Variants in GALNTL6 observed in about 807,000 individuals in gnomAD.
GALNTL6 encodes polypeptide N-acetylgalactosaminyltransferase-like 6.
A neutral mutation model predicts 73.7 loss-of-function variants in GALNTL6; 46 were observed. The ratio of observed to expected loss-of-function variants is 0.62; its 90% CI spans 0.49 to 0.80. The LOEUF (loss-of-function observed/expected upper bound fraction) is 0.80, where lower values mean the gene tolerates loss of function less well. GALNTL6 is among the 30% of genes least tolerant of loss of function. GALNTL6 has a pLI of 0.00. For missense variants in GALNTL6, 604 were observed against 755.0 expected (o/e 0.80, Z 2.34); for synonymous variants, 259 against 263.7 (o/e 0.98, Z 0.17).
intron 2 of GALNTL6, among the ~76,000 whole-genome samples, chr4:172,067,816 T>C (rs1355539224): frequency 9.1e-6 from 1 of 110,370 alleles, no homozygotes; most frequent in Non-Finnish European, 2.0e-5. Context: ...AGTGCCTTCC[T>C]GACCAAAGGT....
At chr4:172,865,886 A>G (rs6844018) in intron 7 of GALNTL6, among the ~76,000 whole-genome samples, 98,151 of 152,020 alleles carry the variant, frequency 0.65, 33,513 homozygotes, top group East Asian at 0.91. Flanking sequence ...AACCGAACTC[A>G]TAATCTCACC....
At chr4:171,828,187 G>A (rs772886046) in intron 2 of GALNTL6, among the ~76,000 whole-genome samples, 1 of 152,160 alleles carries the variant, frequency 6.6e-6, no homozygotes. Context: ...ACTACTGCAG[G>A]AATTTCATAG....
intron 2 of GALNTL6, among the ~76,000 whole-genome samples, chr4:172,094,347 C>T (rs914483924): frequency 5.4e-4 from 82 of 152,146 alleles, no homozygotes; most frequent in African/African-American, 2.0e-3. Flanking sequence ...ATAGAAATTA[C>T]AATGATTATT....
At chr4:172,190,532 A>G (rs1280115960) in intron 2 of GALNTL6, among the ~76,000 whole-genome samples, 1 of 152,144 alleles carries the variant, frequency 6.6e-6, no homozygotes, top group Non-Finnish European at 1.5e-5. Flanking sequence ...CCCAGCAGAG[A>G]GAAGAGGAAG....
rs557149331 is a variant in GALNTL6 at position 172,069,488 on chromosome 4, C to T, written c.139-160168C>T. On this transcript the variant is annotated intron_variant, in intron 2 of 12. Coordinates refer to ENST00000506823, the MANE Select transcript of GALNTL6 (RefSeq NM_001034845.3). ...TATAACATATATGTTATATATAACA[C>T]ATATGTTATATGTATAACACATATA... is the stretch of plus-strand genomic sequence containing the variant. Among the ~76,000 whole-genome samples, 102 of 69,206 alleles carry T rather than the reference C, an allele frequency of 1.5e-3. 21 individuals carry two copies. In the South Asian group the frequency reaches 0.016, roughly 11 times the overall value. 45.4% of individuals were successfully genotyped at this position (69,206 alleles called of 152,430 possible).
chr4:171,888,200 T>C (rs188554631), intron 2 of GALNTL6, among the ~76,000 whole-genome samples: 1 of 152,026 alleles, frequency 6.6e-6, no homozygotes, highest in Admixed American at 6.6e-5. Context: ...TTTAATAACT[T>C]TTCCCCCTAT....
chr4:172,209,707 T>C (rs1428979323), intron 2 of GALNTL6, among the ~76,000 whole-genome samples: 1 of 152,050 alleles, frequency 6.6e-6, no homozygotes, highest in Non-Finnish European at 1.5e-5. Context: ...TAAGACTGCC[T>C]CATTTATTTA....
At chr4:171,988,173 G>C (rs1042124521) in intron 2 of GALNTL6, among the ~76,000 whole-genome samples, 2 of 152,320 alleles carry the variant, frequency 1.3e-5, no homozygotes, top group African/African-American at 4.8e-5. Flanking sequence ...GGACAGAAAG[G>C]CTACAGGGTG....
At chr4:172,542,958 G>C (rs950520995) in intron 5 of GALNTL6, among the ~76,000 whole-genome samples, 3 of 151,972 alleles carry the variant, frequency 2.0e-5, no homozygotes, top group African/African-American at 7.2e-5. Flanking sequence ...TTAGCCGGGC[G>C]TGGTGGCACG....
At chr4:172,491,351 CAA>C (rs201195053) in intron 5 of GALNTL6, among the ~76,000 whole-genome samples, 4 of 36,264 alleles carry the variant, frequency 1.1e-4, no homozygotes, top group African/African-American at 4.2e-4. Context: ...TAAAAACAAA[CAA>C]AAACAAAAGG....
intron 2 of GALNTL6, among the ~76,000 whole-genome samples, chr4:172,156,173 A>G (rs1279652092): frequency 6.6e-6 from 1 of 152,046 alleles, no homozygotes; most frequent in Non-Finnish European, 1.5e-5. Context: ...TCCGAGTCTG[A>G]AGTGACTGCT....
At chr4:172,913,720 C>A (rs1299443731) in intron 8 of GALNTL6, among the ~76,000 whole-genome samples, 1 of 152,144 alleles carries the variant, frequency 6.6e-6, no homozygotes, top group Non-Finnish European at 1.5e-5. Flanking sequence ...TGAACAAAGC[C>A]TCCAAGAAAT....
At chr4:172,333,581 G>A (rs1275700216) in intron 4 of GALNTL6, among the ~76,000 whole-genome samples, 2 of 152,078 alleles carry the variant, frequency 1.3e-5, no homozygotes, top group Non-Finnish European at 2.9e-5. Context: ...CCATTAAACA[G>A]TTCTTTTAAT....
rs984063141 is a variant in GALNTL6 at position 172,794,368 on chromosome 4, C to A, written c.554-14993C>A. 3.9e-5 allele frequency among the ~76,000 whole-genome samples: 6 copies of A among 152,238 alleles called. No homozygotes were observed. In the South Asian group the frequency reaches 1.2e-3, roughly 32 times the overall value. ...ACATTGATTAAGTTGAAATGAAGTG[C>A]ATGTAGGCAATGCTAGTTTGTTGTC... is the stretch of plus-strand genomic sequence containing the variant. On this transcript the variant is annotated intron_variant, in intron 5 of 12. Transcript: ENST00000506823.
intron 5 of GALNTL6, among the ~76,000 whole-genome samples, chr4:172,682,834 C>A (rs1472093051): frequency 6.6e-6 from 1 of 151,986 alleles, no homozygotes; most frequent in Non-Finnish European, 1.5e-5. Flanking sequence ...TGAATGTGCT[C>A]CCCATGAGCT....
intron 2 of GALNTL6, among the ~76,000 whole-genome samples, chr4:172,056,440 A>T (rs565643495): frequency 2.0e-5 from 3 of 152,184 alleles, no homozygotes; most frequent in Admixed American, 2.0e-4. Context: ...TCCTGAGAAT[A>T]TTTCTATTTA....
intron 8 of GALNTL6, among the ~76,000 whole-genome samples, chr4:172,892,196 C>G (rs1351203798): frequency 6.6e-6 from 1 of 152,178 alleles, no homozygotes; most frequent in Non-Finnish European, 1.5e-5. Flanking sequence ...TAGTGCAATC[C>G]TTTGGATGTA....
At chr4:173,027,010 C>A (rs376714835) in intron 12 of GALNTL6, among the ~76,000 whole-genome samples, 1 of 152,070 alleles carries the variant, frequency 6.6e-6, no homozygotes, top group Non-Finnish European at 1.5e-5. Flanking sequence ...TTTTTTGAGA[C>A]GGACTTTCGC....
At chr4:172,581,401 C>A (rs1737183995) in intron 5 of GALNTL6, among the ~76,000 whole-genome samples, 1 of 152,120 alleles carries the variant, frequency 6.6e-6, no homozygotes, top group Admixed American at 6.5e-5. Flanking sequence ...AGTTATCTGA[C>A]CTGTGTTTTC....
Sources: allele counts gnomAD v4.1 joint callset (sites outside exome capture counted in the v4.1 genomes callset), GRCh38; gene constraint gnomAD v4.1.1; transcripts MANE v1.5; gene names NCBI Gene and HGNC (gene_info 2026-07-23, HGNC 2026-07-21).